Variants in AVPR2 observed in about 807,000 individuals in gnomAD.
AVPR2 encodes the protein arginine vasopressin receptor 2.
AVPR2 carries 3 observed loss-of-function variants against 12.0 expected under a neutral mutation model. The observed-to-expected ratio is 0.25, with a 90% CI of 0.11 to 0.64. The LOEUF is 0.64. AVPR2 is among the 30% of genes least tolerant of loss of function. The probability of loss-of-function intolerance (pLI) is 0.84; values close to 1 mark genes in which losing one functional copy is unlikely to be tolerated. For missense variants in AVPR2, 279 were observed against 347.9 expected (o/e 0.80, Z 1.58); for synonymous variants, 143 against 147.5 (o/e 0.97, Z 0.22).
chrX:153,903,151 T>C (rs2064941870), upstream of AVPR2, among the ~76,000 whole-genome samples: 1 of 112,558 alleles, frequency 8.9e-6, no homozygotes, highest in African/African-American at 3.2e-5. Context: ...CTCTGCCAGT[T>C]GAGGGAAGCC....
At chrX:153,903,391 G>A (rs887901930), upstream of AVPR2, among the ~76,000 whole-genome samples, 72 of 114,515 alleles carry the variant, frequency 6.3e-4, 2 homozygotes, top group Non-Finnish European at 3.0e-4. Flanking sequence ...CTGCGGGTGT[G>A]TGCGTGTGTG....
Position 153,906,823 on chromosome X carries a change from G to T in AVPR2, c.*95G>T. On this transcript the variant is annotated 3_prime_UTR_variant, in exon 4 of 4. Transcript: ENST00000646375. ...AGCCACTGGGAGGGGGACCCGTGGAGAATTGGCCAGAGCCTGTGGCCCCGA... is the reference window on the plus strand; with the variant it reads ...AGCCACTGGGAGGGGGACCCGTGGATAATTGGCCAGAGCCTGTGGCCCCGA... The T allele has an allele frequency of 1.1e-6, 1 of 915,676 alleles. No individual in the cohort carries two copies. Among genetic ancestry groups the T allele is most frequent in the Non-Finnish European group, 1.6e-6 (1 of 643,503 alleles). 75.5% of individuals were successfully genotyped at this position (915,676 alleles called of 1,213,427 possible).
At position 153,905,957 on chromosome X, in the gene AVPR2, G is replaced by C. The variant is rs782224593; in HGVS notation, c.451G>C (p.Gly151Arg). Residue 151 changes from glycine to arginine, a missense_variant, in exon 3 of 4, where the codon GGA becomes CGA. Coordinates refer to ENST00000646375, the MANE Select transcript of AVPR2 (RefSeq NM_000054.7). ...CCGTCCCATGCTGGCGTACCGCCATGGAAGTGGGGCTCACTGGAACCGGCC... is the reference window on the plus strand; with the variant it reads ...CCGTCCCATGCTGGCGTACCGCCATCGAAGTGGGGCTCACTGGAACCGGCC... The part of the protein sequence containing the change: ...ICRPMLAYRH[G>R]SGAHWNRPVL... 1.6e-5 allele frequency: 19 copies of C among 1,203,968 alleles called. No individual in the cohort carries two copies. Among genetic ancestry groups the C allele is most frequent in the Admixed American group, 2.2e-5 (1 of 46,108 alleles).
chrX:153,905,196 G>C, intron 2 of AVPR2, 26 bp downstream of exon 2: 1 of 1,210,940 alleles, frequency 8.3e-7, no homozygotes, highest in Non-Finnish European at 1.1e-6. Flanking sequence ...CCATGAGTCC[G>C]GTGGGCAGAG....
chrX:153,903,825 GGGCTGGGCTGGCCTC>G (rs2064945809), upstream of AVPR2, among the ~76,000 whole-genome samples: 1 of 108,290 alleles, frequency 9.2e-6, no homozygotes, highest in Non-Finnish European at 1.9e-5. Flanking sequence ...GGGCTGGGCT[GGGCTGGGCTGGCCTC>G]GGCTGAGCCA....
chrX:153,905,909 C>T lies in AVPR2; in HGVS notation c.403C>T (p.Leu135=). Residue 135 remains leucine, a synonymous_variant, in exon 3 of 4, where the codon CTG becomes TTG. Transcript: ENST00000646375. ...ASSYMILAMT[L]DRHRAICRPM... is the part of the protein sequence containing the mutation. ...CTCCTACATGATCCTGGCCATGACG[C>T]TGGACCGCCACCGTGCCATCTGCCG... The T allele has an allele frequency of 8.3e-7, 1 of 1,204,001 alleles. No homozygotes were observed. Among genetic ancestry groups the T allele is most frequent in the Non-Finnish European group, 1.1e-6 (1 of 895,645 alleles).
At chrX:153,905,271 G>A in intron 2 of AVPR2, 101 bp downstream of exon 2, 7 of 1,112,452 alleles carry the variant, frequency 6.3e-6, no homozygotes, top group Non-Finnish European at 8.7e-6. Context: ...CTCTGGGTGT[G>A]TCTCTCCAGG....
At position 153,906,360 on chromosome X, in the gene AVPR2, C is replaced by G; in HGVS notation, c.854C>G (p.Ala285Gly). The change falls in exon 3 of 4, where the codon GCA becomes GGA. Residue 285 changes from alanine to glycine, a missense_variant. Ala to Gly is a moderately conservative substitution (Grantham distance 60). Coordinates refer to ENST00000646375, the MANE Select transcript of AVPR2 (RefSeq NM_000054.7). Reference sequence around the variant, plus strand: ...GTGGTCGTCTATGTGCTGTGCTGGGCACCCTTCTTCCTGGTGCAGCTGTGG... The same window carrying G: ...GTGGTCGTCTATGTGCTGTGCTGGGGACCCTTCTTCCTGGTGCAGCTGTGG... ...VIVVVYVLCW[A>G]PFFLVQLWAA... 8.3e-7 allele frequency: 1 copy of G among 1,211,889 alleles called. No individual in the cohort carries two copies. Among genetic ancestry groups the G allele is most frequent in the Non-Finnish European group, 1.1e-6 (1 of 895,364 alleles).
chrX:153,906,725 G>A lies in AVPR2; in HGVS notation c.1113G>A (p.Ser371=), dbSNP rs5203. ...ASSSLAKDTS[S] ...CCTCCCTGGCCAAGGACACTTCATC[G>A]TGAGGAGCTGTTGGGTGTCTTGCCT... The change falls in exon 4 of 4, where the codon TCG becomes TCA. Residue 371 remains serine, a synonymous_variant. Transcript: ENST00000646375. The A allele has an allele frequency of 1.9e-3, 2,264 of 1,207,054 alleles. 30 individuals carry two copies. The African/African-American group carries it at 0.035, about 19-fold the overall frequency.
Position 153,905,934 on chromosome X carries a change from G to T in AVPR2, c.428G>T (p.Arg143Leu), listed in dbSNP as rs146238429. 8.3e-7 allele frequency: 1 copy of T among 1,203,970 alleles called. No homozygotes were observed. Among genetic ancestry groups the T allele is most frequent in the East Asian group, 3.0e-5 (1 of 33,870 alleles). The part of the protein sequence containing the change: ...MTLDRHRAIC[R>L]PMLAYRHGSG... Reference sequence around the variant, plus strand: ...CTGGACCGCCACCGTGCCATCTGCCGTCCCATGCTGGCGTACCGCCATGGA... The same window carrying T: ...CTGGACCGCCACCGTGCCATCTGCCTTCCCATGCTGGCGTACCGCCATGGA... Residue 143 changes from arginine (R) to leucine (L), a missense_variant, in exon 3 of 4, where the codon CGT (arginine) becomes CTT (leucine). Coordinates refer to ENST00000646375, the MANE Select transcript of AVPR2 (RefSeq NM_000054.7).
In AVPR2 at chrX:153,905,687, G is replaced by A. The variant is rs148230511; in HGVS notation, c.181G>A (p.Ala61Thr). 2 of 1,210,384 alleles carry A rather than the reference G, an allele frequency of 1.7e-6. No individual in the cohort carries two copies. The highest frequency in any genetic ancestry group is 2.2e-6 in the Non-Finnish European group (2 of 895,137). The change falls in exon 3 of 4, where the codon GCC becomes ACC. Residue 61 changes from alanine to threonine, a missense_variant. Ala to Thr is a moderately conservative substitution (Grantham distance 58, BLOSUM62 0). Coordinates refer to ENST00000646375, the MANE Select transcript of AVPR2 (RefSeq NM_000054.7). Reference sequence around the variant, plus strand: ...CCTGAGCAATGGCCTGGTGCTGGCGGCCCTAGCTCGGCGGGGCCGGCGGGG... The same window carrying A: ...CCTGAGCAATGGCCTGGTGCTGGCGACCCTAGCTCGGCGGGGCCGGCGGGG... ...VALSNGLVLA[A>T]LARRGRRGHW...
upstream of AVPR2, chrX:153,902,779 G>A (rs782060092): frequency 1.8e-5 from 6 of 327,521 alleles, no homozygotes; most frequent in Non-Finnish European, 3.6e-5. Flanking sequence ...AGATTGCCAC[G>A]GGCCTGGCCA....
In AVPR2 at chrX:153,905,808, C is replaced by T; in HGVS notation, c.302C>T (p.Ala101Val). The T allele has an allele frequency of 8.3e-7, 1 of 1,207,458 alleles. No homozygotes were observed. Among genetic ancestry groups the T allele is most frequent in the Non-Finnish European group, 1.1e-6 (1 of 895,649 alleles). Residue 101 changes from alanine (A) to valine (V), a missense_variant, in exon 3 of 4, where the codon GCC becomes GTC. Physicochemically the swap from Ala to Val is moderately conservative, Grantham distance 64. Transcript: ENST00000646375. ...FQVLPQLAWK[A>V]TDRFRGPDAL... ...GTGCTGCCCCAGCTGGCCTGGAAGG[C>T]CACCGACCGCTTCCGTGGGCCAGAT...
Position 153,906,898 on chromosome X carries a change from T to A in AVPR2, c.*170T>A. 3 of 562,681 alleles carry A rather than the reference T, an allele frequency of 5.3e-6. No homozygotes were observed. The highest frequency in any genetic ancestry group is 9.1e-6 in the Non-Finnish European group (3 of 330,428). The allele number at this position is 562,681 out of a possible 1,213,427, so 46.4% of individuals were successfully genotyped here. ...ACAAGCCACAGCCCCTGCCTGGGTC[T>A]CCACATCCCCAGCTGTATGAGGAGA... On this transcript the variant is annotated 3_prime_UTR_variant, in exon 4 of 4. Transcript: ENST00000646375.
intron 2 of AVPR2, 50 bp from the exon 3 acceptor site, chrX:153,905,482 C>T (rs2064955935): frequency 5.4e-6 from 6 of 1,120,760 alleles, no homozygotes; most frequent in Non-Finnish European, 6.0e-6. Flanking sequence ...GCCTGAGTCC[C>T]CCTGCACAGC....
At position 153,906,850 on chromosome X, in the gene AVPR2, G is replaced by C; in HGVS notation, c.*122G>C. ...ATTGGCCAGAGCCTGTGGCCCCGAG[G>C]CTGGGACACTGTGTGGCCCTGGACA... On this transcript the variant is annotated 3_prime_UTR_variant, in exon 4 of 4. Coordinates refer to ENST00000646375, the MANE Select transcript of AVPR2 (RefSeq NM_000054.7). 1.3e-6 allele frequency: 1 copy of C among 759,756 alleles called. No individual in the cohort carries two copies. 62.6% of individuals were successfully genotyped at this position (759,756 alleles called of 1,213,427 possible). A position where few individuals can be genotyped will look rare whatever the true frequency, so the allele number is the denominator to read the frequency against.
chrX:153,902,961 A>T, upstream of AVPR2: 1 of 251,775 alleles, frequency 4.0e-6, no homozygotes, highest in Non-Finnish European at 7.6e-6. Context: ...AGGCCCTGCC[A>T]GTCCCCACCC....
upstream of AVPR2, chrX:153,902,861 A>G (rs1557099718): frequency 6.7e-6 from 2 of 300,011 alleles, no homozygotes; most frequent in African/African-American, 5.4e-5. Context: ...AGAGAAACTG[A>G]TAAGGAGATG....
rs782713393 is a variant in AVPR2, at chrX:153,906,341, G to A, written c.835G>A (p.Val279Ile). ...GAGGATGACGCTAGTGATTGTGGTC[G>A]TCTATGTGCTGTGCTGGGCACCCTT... ...TVRMTLVIVV[V>I]YVLCWAPFFL... Residue 279 changes from valine to isoleucine, a missense_variant, in exon 3 of 4, where the codon GTC becomes ATC. Val to Ile is a conservative substitution (Grantham distance 29). Transcript: ENST00000646375. The A allele has an allele frequency of 3.1e-5, 38 of 1,210,702 alleles. No homozygotes were observed. The highest frequency in any genetic ancestry group is 2.4e-4 in the African/African-American group (14 of 57,409).
Sources: allele counts gnomAD v4.1 joint callset (sites outside exome capture counted in the v4.1 genomes callset), GRCh38; gene constraint gnomAD v4.1.1; transcripts MANE v1.5; gene names NCBI Gene and HGNC (gene_info 2026-07-23, HGNC 2026-07-21).